Variants in CNBD1 observed in about 807,000 individuals in gnomAD.
The protein encoded by CNBD1 is cyclic nucleotide binding domain containing 1, also known as cyclic nucleotide-binding domain-containing protein 1.
A neutral mutation model predicts 54.4 loss-of-function variants in CNBD1; 71 were observed. That is an observed-to-expected ratio of 1.30 (90% confidence interval 1.08 to 1.59). The LOEUF is 1.59. Among genes scored for constraint, CNBD1 ranks in the 40% most tolerant of loss-of-function variants. The pLI, the probability that CNBD1 is intolerant of heterozygous loss-of-function variation, is 0.00. For synonymous variants in CNBD1, 182 were observed against 170.7 expected (o/e 1.07, Z -0.51); for missense variants, 659 against 518.0 (o/e 1.27, Z -2.64).
In CNBD1 at chr8:87,032,469, A is replaced by G. The variant is rs189536501; in HGVS notation, c.431+92715A>G. On this transcript the variant is annotated intron_variant, in intron 4 of 10. Transcript: ENST00000518476. ...GAAAGAAAAAATATATTTACTATTA[A>G]GTGGAAGTGAATCATCATAAAAGTC... Among the ~76,000 whole-genome samples the G allele has an allele frequency of 5.7e-4, 87 of 152,328 alleles. 1 individual carries two copies. The highest frequency in any genetic ancestry group is 7.5e-4 in the Non-Finnish European group (51 of 68,024).
chr8:87,295,592 A>G (rs1467367258), intron 8 of CNBD1, among the ~76,000 whole-genome samples: 1 of 152,090 alleles, frequency 6.6e-6, no homozygotes, highest in Non-Finnish European at 1.5e-5. Context: ...TCAGTAACCC[A>G]GGCAACTACT....
chr8:87,089,145 G>T (rs540210929), intron 4 of CNBD1, among the ~76,000 whole-genome samples: 1 of 152,194 alleles, frequency 6.6e-6, no homozygotes, highest in East Asian at 1.9e-4. Context: ...AATATCATTT[G>T]GTGGGAGAGA....
chr8:87,129,479 T>C (rs1812072387), intron 4 of CNBD1, among the ~76,000 whole-genome samples: 1 of 152,204 alleles, frequency 6.6e-6, no homozygotes, highest in African/African-American at 2.4e-5. Flanking sequence ...TTGTCTCATT[T>C]GTTCTTGATC....
intron 8 of CNBD1, among the ~76,000 whole-genome samples, chr8:87,292,898 G>T (rs182596105): frequency 1.2e-4 from 19 of 152,230 alleles, no homozygotes; most frequent in Non-Finnish European, 2.1e-4. Flanking sequence ...AGAGCTCTGT[G>T]TTGTGAGTGG....
intron 6 of CNBD1, among the ~76,000 whole-genome samples, chr8:87,242,317 T>C (rs138703218): frequency 6.6e-5 from 10 of 152,290 alleles, no homozygotes; most frequent in African/African-American, 2.4e-4. Flanking sequence ...AAGAGAAAAT[T>C]AGCTAAGAAT....
intron 8 of CNBD1, among the ~76,000 whole-genome samples, chr8:87,298,142 A>T (rs562011385): frequency 1.3e-5 from 2 of 150,942 alleles, no homozygotes; most frequent in Admixed American, 6.6e-5. Flanking sequence ...TCTGATTTTT[A>T]TTATTGTTAT....
chr8:87,134,304 A>G lies in CNBD1; in HGVS notation c.432-71689A>G, dbSNP rs77942351. ...AAATCAGGAAGCTGTGACTTTGGAA[A>G]AGGGAGGAGATCAGTACAGATTGAT... On this transcript the variant is annotated intron_variant, in intron 4 of 10. Transcript: ENST00000518476. 7.8e-3 allele frequency among the ~76,000 whole-genome samples: 1,192 copies of G among 152,246 alleles called. 14 individuals carry two copies. The highest frequency in any genetic ancestry group is 0.028 in the African/African-American group (1,148 of 41,550).
intron 4 of CNBD1, among the ~76,000 whole-genome samples, chr8:86,948,214 A>G (rs527651618): frequency 3.3e-5 from 5 of 152,282 alleles, no homozygotes; most frequent in African/African-American, 9.6e-5. Flanking sequence ...CAGTGCTGCA[A>G]TAAATGTGGG....
chr8:87,072,972 A>G (rs995536712), intron 4 of CNBD1, among the ~76,000 whole-genome samples: 2 of 152,108 alleles, frequency 1.3e-5, no homozygotes, highest in Non-Finnish European at 2.9e-5. Context: ...GTGTCTTTAC[A>G]TAATTCCATA....
intron 3 of CNBD1, among the ~76,000 whole-genome samples, chr8:86,932,733 G>T (rs1273850597): frequency 6.6e-6 from 1 of 152,030 alleles, no homozygotes; most frequent in Non-Finnish European, 1.5e-5. Flanking sequence ...CAGGGCTTGA[G>T]GGTCAAATTG....
rs553861558 is a variant in CNBD1 at position 87,264,835 on chromosome 8, G to A, written c.772-19843G>A. Among the ~76,000 whole-genome samples, 212 of 151,956 alleles carry A rather than the reference G, an allele frequency of 1.4e-3. 1 individual carries two copies. Among genetic ancestry groups the A allele is most frequent in the African/African-American group, 4.9e-3 (202 of 41,442 alleles). On this transcript the variant is annotated intron_variant, in intron 6 of 10. Coordinates refer to ENST00000518476, the MANE Select transcript of CNBD1 (RefSeq NM_173538.3). ...GTCTGTTCATATCCTTCGCCCACTT[G>A]TTGATGGGGTTGTTTGTTTTTTTCT...
intron 4 of CNBD1, among the ~76,000 whole-genome samples, chr8:87,162,529 G>T (rs982505032): frequency 1.3e-4 from 20 of 152,154 alleles, no homozygotes; most frequent in African/African-American, 4.8e-4. Flanking sequence ...ATCATAAATT[G>T]ATAAAAACAT....
chr8:87,395,832 G>A (rs186085960), intron 2 of CNBD1, among the ~76,000 whole-genome samples: 24 of 151,940 alleles, frequency 1.6e-4, no homozygotes, highest in Admixed American at 1.1e-3. Flanking sequence ...GTGGTTACCT[G>A]GATTCATACT....
At chr8:87,064,073 C>G (rs1410097391) in intron 4 of CNBD1, among the ~76,000 whole-genome samples, 1 of 151,886 alleles carries the variant, frequency 6.6e-6, no homozygotes, top group African/African-American at 2.4e-5. Flanking sequence ...TCTTTCTAAT[C>G]TTTATACCCT....
At chr8:87,134,065 T>C (rs916662467) in intron 4 of CNBD1, among the ~76,000 whole-genome samples, 18 of 152,298 alleles carry the variant, frequency 1.2e-4, no homozygotes, top group African/African-American at 3.4e-4. Flanking sequence ...TATAATCTTG[T>C]TATTGGAAAA....
At position 86,988,651 on chromosome 8, in the gene CNBD1, G is replaced by T. The variant is rs113360234; in HGVS notation, c.431+48897G>T. Among the ~76,000 whole-genome samples the T allele has an allele frequency of 2.0e-3, 298 of 151,878 alleles. 2 individuals carry two copies. Among genetic ancestry groups the T allele is most frequent in the Non-Finnish European group, 3.2e-3 (214 of 67,932 alleles). On this transcript the variant is annotated intron_variant, in intron 4 of 10. Transcript: ENST00000518476. The stretch of plus-strand genomic sequence containing the variant: ...ATTCATTCTATCTAACTATATTTTC[G>T]TATCCTTTAACCATCCCACATCCCC...
chr8:87,361,461 G>A (rs1026626188), intron 10 of CNBD1, among the ~76,000 whole-genome samples: 2 of 151,602 alleles, frequency 1.3e-5, no homozygotes, highest in Non-Finnish European at 2.9e-5. Flanking sequence ...ATGTGAAGAT[G>A]ATATAGCTTA....
At chr8:87,428,221 G>A (rs1026012014) in intron 2 of CNBD1, among the ~76,000 whole-genome samples, 3 of 151,924 alleles carry the variant, frequency 2.0e-5, no homozygotes, top group Admixed American at 6.6e-5. Context: ...CTCTGTCATG[G>A]AAAGTGAATC....
chr8:87,036,913 C>T (rs1289634429), intron 4 of CNBD1, among the ~76,000 whole-genome samples: 1 of 152,168 alleles, frequency 6.6e-6, no homozygotes, highest in Non-Finnish European at 1.5e-5. Context: ...TCTTTGCCTT[C>T]ATCCTGTGAA....
Sources: allele counts gnomAD v4.1 joint callset (sites outside exome capture counted in the v4.1 genomes callset), GRCh38; gene constraint gnomAD v4.1.1; transcripts MANE v1.5; gene names NCBI Gene and HGNC (gene_info 2026-07-23, HGNC 2026-07-21).